The following PTPN4 variants were observed in gnomAD, a reference collection of about 807,000 sequenced individuals.
The protein encoded by PTPN4 is tyrosine-protein phosphatase non-receptor type 4.
In PTPN4, 49 loss-of-function variants were observed where a neutral mutation model predicts 135.5. That is an observed-to-expected ratio of 0.36 (90% CI 0.29 to 0.46). The LOEUF (loss-of-function observed/expected upper bound fraction) is 0.46. Ranked by LOEUF, PTPN4 falls within the 20% of genes least tolerant of loss-of-function variation. PTPN4 has a pLI of 1.00. For missense variants in PTPN4, 860 were observed against 1,101.0 expected, an observed-to-expected ratio of 0.78 and a Z score of 3.10; for synonymous variants, 333 against 369.9, an observed-to-expected ratio of 0.90 and a Z score of 1.14.
intron 2 of PTPN4, among the ~76,000 whole-genome samples, chr2:119,835,170 C>A (rs1401476659): frequency 1.3e-5 from 2 of 152,054 alleles, no homozygotes; most frequent in African/African-American, 4.8e-5. Context: ...TTTTTCTTAT[C>A]AAAATCAGTA....
At chr2:119,847,007 GA>G (rs908517295) in intron 2 of PTPN4, among the ~76,000 whole-genome samples, 18 of 150,846 alleles carry the variant, frequency 1.2e-4, no homozygotes, top group African/African-American at 4.4e-4. Flanking sequence ...GCTGAGAGAA[GA>G]GAGGAGAGCA....
At chr2:119,816,660 C>G (rs1012515132) in intron 2 of PTPN4, among the ~76,000 whole-genome samples, 1 of 152,116 alleles carries the variant, frequency 6.6e-6, no homozygotes, top group Non-Finnish European at 1.5e-5. Context: ...CTATATGGTC[C>G]CATCTGGGGG....
intron 1 of PTPN4, among the ~76,000 whole-genome samples, chr2:119,773,621 A>G (rs1298862038): frequency 6.6e-6 from 1 of 151,952 alleles, no homozygotes; most frequent in Non-Finnish European, 1.5e-5. Context: ...CTGTAATCCT[A>G]ACTACTCAGG....
chr2:119,802,996 T>C (rs1031424886), intron 1 of PTPN4, among the ~76,000 whole-genome samples: 2 of 152,194 alleles, frequency 1.3e-5, no homozygotes. Flanking sequence ...ATAAGTTGTT[T>C]GTAGTATTAC....
chr2:119,777,226 C>G (rs936711596), intron 1 of PTPN4, among the ~76,000 whole-genome samples: 16 of 152,176 alleles, frequency 1.1e-4, no homozygotes, highest in African/African-American at 3.9e-4. Flanking sequence ...CTTGAACACC[C>G]ACCTTTCTCC....
rs1312475252 is a variant in PTPN4 at position 119,981,968 on chromosome 2, T to C, written c.*4898T>C. ...AAGCTAAATGGGCAACCAGAAGTAA[T>C]ATCTGCTAGGGTGCAATCCATCAGC... is the stretch of plus-strand genomic sequence containing the variant. On this transcript the variant is annotated 3_prime_UTR_variant, in exon 27 of 27. Transcript: ENST00000263708. The C allele has an allele frequency of 1.3e-5, 2 of 152,188 alleles. No individual in the cohort carries two copies. The highest frequency in any genetic ancestry group is 2.9e-5 in the Non-Finnish European group (2 of 68,000). The allele number at this position is 152,188 out of a possible 1,614,324, so 9.4% of individuals were successfully genotyped here.
chr2:119,973,000 A>T (rs1053383936), intron 26 of PTPN4, among the ~76,000 whole-genome samples: 1 of 152,132 alleles, frequency 6.6e-6, no homozygotes, highest in African/African-American at 2.4e-5. Flanking sequence ...TAGGATTTTT[A>T]AAAAGATTTT....
intron 2 of PTPN4, among the ~76,000 whole-genome samples, chr2:119,844,203 C>T (rs1677434579): frequency 7.8e-6 from 1 of 128,418 alleles, no homozygotes; most frequent in African/African-American, 3.0e-5. Flanking sequence ...GGCAGAGGGG[C>T]TCCTCACTTC....
At chr2:119,971,082 G>C (rs1321987410) in intron 26 of PTPN4, among the ~76,000 whole-genome samples, 2 of 152,172 alleles carry the variant, frequency 1.3e-5, no homozygotes, top group African/African-American at 4.8e-5. Flanking sequence ...ATAAACACTT[G>C]AGACTGGGTA....
At chr2:119,824,944 T>C (rs565735252) in intron 2 of PTPN4, among the ~76,000 whole-genome samples, 1 of 152,336 alleles carries the variant, frequency 6.6e-6, no homozygotes, top group East Asian at 1.9e-4. Flanking sequence ...TGCCTTGGCC[T>C]CCCAAAGTGC....
intron 1 of PTPN4, among the ~76,000 whole-genome samples, chr2:119,765,943 C>CGT (rs1690608794): frequency 6.6e-6 from 1 of 150,880 alleles, no homozygotes; most frequent in Non-Finnish European, 1.5e-5. Context: ...TGCGCGCGCG[C>CGT]ATGTGCGTTG....
intron 7 of PTPN4, 85 bp downstream of exon 7, chr2:119,882,234 T>C: frequency 7.5e-7 from 1 of 1,328,144 alleles, no homozygotes; most frequent in Non-Finnish European, 1.1e-6. Context: ...GGGAGTTCTT[T>C]AGAAATGTTG....
chr2:119,959,788 G>C (rs1339173759), intron 22 of PTPN4, among the ~76,000 whole-genome samples: 1 of 152,114 alleles, frequency 6.6e-6, no homozygotes, highest in Non-Finnish European at 1.5e-5. Context: ...AGTGCAAATA[G>C]TCTTAGGTCA....
intron 2 of PTPN4, among the ~76,000 whole-genome samples, chr2:119,817,639 G>A (rs904170090): frequency 3.3e-5 from 5 of 152,076 alleles, no homozygotes; most frequent in African/African-American, 1.2e-4. Context: ...GATTGCCTTG[G>A]CTATTTGGGC....
intron 14 of PTPN4, among the ~76,000 whole-genome samples, chr2:119,934,389 ATCTAC>A (rs936193854): frequency 2.0e-5 from 3 of 152,254 alleles, no homozygotes; most frequent in African/African-American, 2.4e-5. Context: ...AGTATTCAGT[ATCTAC>A]TCTAAGGCTT....
In PTPN4 at chr2:119,817,960, C is replaced by G. The variant is rs1198895074; in HGVS notation, c.138+7969C>G. Reference sequence around the variant, plus strand: ...AGTTCATTCCTGATTTGGCTCTTGGCTTGACTCTTGTTGGTGTATAGGAAT... The same window carrying G: ...AGTTCATTCCTGATTTGGCTCTTGGGTTGACTCTTGTTGGTGTATAGGAAT... On this transcript the variant is annotated intron_variant, in intron 2 of 26. Coordinates refer to ENST00000263708, the MANE Select transcript of PTPN4 (RefSeq NM_002830.4). Among the ~76,000 whole-genome samples the G allele has an allele frequency of 2.6e-5, 4 of 152,076 alleles. No individual in the cohort carries two copies. The East Asian group carries it at 7.7e-4, about 29-fold the overall frequency.
chr2:119,939,071 T>C (rs1679026459), intron 15 of PTPN4, among the ~76,000 whole-genome samples: 1 of 152,336 alleles, frequency 6.6e-6, no homozygotes, highest in East Asian at 1.9e-4. Flanking sequence ...GATAATAATA[T>C]CTACCTCAAA....
chr2:119,965,360 T>G (rs1679431508), intron 24 of PTPN4, 137 bp from the exon 25 acceptor site: 2 of 818,884 alleles, frequency 2.4e-6, no homozygotes, highest in Non-Finnish European at 1.8e-6. Flanking sequence ...GACCTAGTGA[T>G]CAATGCTAAG....
At chr2:119,960,742 T>A in intron 22 of PTPN4, 65 bp from the exon 23 acceptor site, 1 of 1,520,754 alleles carries the variant, frequency 6.6e-7, no homozygotes, top group Non-Finnish European at 8.9e-7. Flanking sequence ...TGGATGATTT[T>A]CCTATTCCTG....
Sources: gnomAD v4.1 joint callset for allele counts (sites outside exome capture counted in the v4.1 genomes callset) on GRCh38, gnomAD v4.1.1 for gene constraint, MANE v1.5 for transcripts, NCBI Gene and HGNC (gene_info 2026-07-23, HGNC 2026-07-21) for gene names.